APC2: variants seen among roughly 807,000 people sequenced by gnomAD.
APC2 encodes APC regulator of Wnt signaling pathway 2, also known as adenomatous polyposis coli protein 2.
In APC2, 41 loss-of-function variants were observed where a neutral mutation model predicts 72.5. That is an observed-to-expected ratio of 0.57 (90% CI 0.44 to 0.73). The LOEUF (loss-of-function observed/expected upper bound fraction) is 0.73. Ranked by LOEUF, APC2 falls within the 30% of genes least tolerant of loss-of-function variation. APC2 has a pLI of 0.00. For missense variants in APC2, 3,729 were observed against 3,403.4 expected (o/e 1.10, Z -2.38); for synonymous variants, 1,898 against 1,612.0 (o/e 1.18, Z -4.25).
intron 14 of APC2, 133 bp from the exon 15 acceptor site, chr19:1,465,022 C>G: frequency 2.2e-6 from 2 of 909,270 alleles, no homozygotes; most frequent in Non-Finnish European, 3.2e-6. Context: ...ATACTTATAC[C>G]AAAAATTAGT....
chr19:1,469,314 C>T lies in APC2; in HGVS notation c.6013C>T (p.Arg2005Trp). Residue 2005 changes from arginine to tryptophan, a missense_variant, in exon 15 of 15, where the codon CGG becomes TGG. Arg to Trp is a moderately radical substitution (Grantham distance 101). Transcript: ENST00000590469. ...LTFIKESPGL[R>W]RRRSELSSAE... ...CTTCATCAAGGAGTCGCCGGGCTTG[C>T]GGCGCCGCCGCTCCGAGCTGTCCTC... The T allele has an allele frequency of 7.1e-7, 1 of 1,412,668 alleles. No individual in the cohort carries two copies. The highest frequency in any genetic ancestry group is 1.3e-5 in the South Asian group (1 of 76,122). 87.5% of individuals were successfully genotyped at this position (1,412,668 alleles called of 1,614,324 possible).
Position 1,473,170 on chromosome 19 carries a change from A to T in APC2, c.*2957A>T, listed in dbSNP as rs1276092749. ...CCTGTCCTTCCCTAAATGTAAAGCC[A>T]TCTGTCCGGCGTAAGGACGACACCG... On this transcript the variant is annotated 3_prime_UTR_variant, in exon 15 of 15. Transcript: ENST00000590469. 1 of 152,304 alleles carries T rather than the reference A, an allele frequency of 6.6e-6. No homozygotes were observed. The highest frequency in any genetic ancestry group is 1.9e-4 in the East Asian group (1 of 5,202). 9.4% of individuals were successfully genotyped at this position (152,304 alleles called of 1,614,324 possible).
chr19:1,454,437 G>A (rs1224416524), intron 4 of APC2, among the ~76,000 whole-genome samples: 4 of 151,744 alleles, frequency 2.6e-5, no homozygotes, highest in Non-Finnish European at 5.9e-5. Flanking sequence ...GGAGTGCAGT[G>A]GTATGATCAT....
At chr19:1,455,122 G>A in intron 4 of APC2, 27 bp from the exon 5 acceptor site, 1 of 1,498,832 alleles carries the variant, frequency 6.7e-7, no homozygotes, top group Non-Finnish European at 9.0e-7. Context: ...CGCCCTCTGA[G>A]CCCGCCCCCG....
Position 1,467,141 on chromosome 19 carries a change from G to A in APC2, c.3840G>A (p.Ala1280=), listed in dbSNP as rs759351445. The A allele has an allele frequency of 6.3e-7, 1 of 1,576,324 alleles. No individual in the cohort carries two copies. The highest frequency in any genetic ancestry group is 1.1e-5 in the South Asian group (1 of 87,372). Residue 1280 remains alanine (A), a synonymous_variant, in exon 15 of 15, where the codon GCG becomes GCA. Transcript: ENST00000590469. ...ENFSCASSLS[A]LALHEHYVQQ... is the part of the protein sequence containing the mutation. ...TCTCGTGCGCCTCCAGCCTCAGCGC[G>A]CTGGCCTTGCACGAGCACTACGTGC... is the stretch of plus-strand genomic sequence containing the variant.
In APC2 at chr19:1,455,514, C is replaced by CG. The variant is rs771658842; in HGVS notation, c.639+18dup. ...CAGCGGGCACAGGTGCGGCGGTGGG[C>CG]GGGGTGGCGCGGCGGTAGGCGGGGC... On this transcript the variant is annotated intron_variant, in intron 6 of 14. Transcript: ENST00000590469. 5.7e-6 allele frequency: 9 copies of CG among 1,590,472 alleles called. No homozygotes were observed. Among genetic ancestry groups the CG allele is most frequent in the Admixed American group, 1.7e-5 (1 of 58,444 alleles).
In APC2 at chr19:1,465,296, C is replaced by G. The variant is rs532037814; in HGVS notation, c.1995C>G (p.Asp665Glu). 1.2e-6 allele frequency: 2 copies of G among 1,601,114 alleles called. No individual in the cohort carries two copies. Among genetic ancestry groups the G allele is most frequent in the South Asian group, 2.2e-5 (2 of 90,706 alleles). Residue 665 changes from aspartate (D) to glutamate (E), a missense_variant, in exon 15 of 15, where the codon GAC becomes GAG. Physicochemically the swap from Asp to Glu is conservative, Grantham distance 45. Transcript: ENST00000590469. ...CCCGTGACCAGGAGCTGCTGTGGGA[C>G]CTGGGCGCCGTGGGCATGCTGCGTA... is the stretch of plus-strand genomic sequence containing the variant. ...RSARDQELLW[D>E]LGAVGMLRNL...
Position 1,469,950 on chromosome 19 carries a change from G to T in APC2, c.6649G>T (p.Ala2217Ser), listed in dbSNP as rs778823095. The T allele has an allele frequency of 5.3e-6, 8 of 1,511,440 alleles. No homozygotes were observed. The East Asian group carries it at 2.0e-4, about 39-fold the overall frequency. 93.6% of individuals were successfully genotyped at this position (1,511,440 alleles called of 1,614,324 possible). Residue 2217 changes from alanine (A) to serine (S), a missense_variant, in exon 15 of 15, where the codon GCC (alanine) becomes TCC (serine). By Grantham distance (99) the Ala-to-Ser change is moderately conservative. Transcript: ENST00000590469. ...PSLETREPPG[A>S]PAGGQLSLLG... ...CCTGGAGACCAGGGAGCCCCCCGGG[G>T]CCCCCGCCGGCGGCCAGCTCTCCCT...
rs1354978463 is a variant in APC2 at position 1,469,318 on chromosome 19, G to A, written c.6017G>A (p.Arg2006His). Residue 2006 changes from arginine to histidine, a missense_variant, in exon 15 of 15, where the codon CGC becomes CAC. Arg to His is a conservative substitution (Grantham distance 29). Transcript: ENST00000590469. ...TFIKESPGLR[R>H]RRSELSSAES... is the part of the protein sequence containing the mutation. ...ATCAAGGAGTCGCCGGGCTTGCGGC[G>A]CCGCCGCTCCGAGCTGTCCTCGGCC... is the stretch of plus-strand genomic sequence containing the variant. 12 of 1,412,450 alleles carry A rather than the reference G, an allele frequency of 8.5e-6. No individual in the cohort carries two copies. The highest frequency in any genetic ancestry group is 1.0e-5 in the Non-Finnish European group (11 of 1,079,758). The allele number at this position is 1,412,450 out of a possible 1,614,324, so 87.5% of individuals were successfully genotyped here.
intron 14 of APC2, among the ~76,000 whole-genome samples, chr19:1,464,936 CTTTTT>C (rs78166202): frequency 2.1e-5 from 3 of 142,734 alleles, no homozygotes; most frequent in Non-Finnish European, 4.6e-5. Context: ...CCCGGCCTAC[CTTTTT>C]TTTTTTTTTA....
At position 1,462,108 on chromosome 19, in the gene APC2, C is replaced by A. The variant is rs139032121; in HGVS notation, c.1784C>A (p.Ala595Asp). Residue 595 changes from alanine (A) to aspartate (D), a missense_variant, in exon 14 of 15, where the codon GCC becomes GAC. Coordinates refer to ENST00000590469, the MANE Select transcript of APC2 (RefSeq NM_005883.3). Reference protein sequence around the residue: ...LTYKCQSNSLAIIESGGGILR... With the variant: ...LTYKCQSNSLDIIESGGGILR... ...TACAAGTGTCAGAGCAACTCGCTGG[C>A]CATCATCGAGAGCGGCGGCGGCATC... 6.2e-7 allele frequency: 1 copy of A among 1,612,876 alleles called. No homozygotes were observed. The highest frequency in any genetic ancestry group is 8.5e-7 in the Non-Finnish European group (1 of 1,180,008).
At position 1,466,001 on chromosome 19, in the gene APC2, C is replaced by A; in HGVS notation, c.2700C>A (p.Gly900=). ...QSCSPCRGPE[G]GRREAGSRAH... is the part of the protein sequence containing the mutation. ...GCTCGCCATGCCGCGGCCCGGAGGGCGGGCGGCGAGAGGCAGGAAGCCGGG... is the reference window on the plus strand; with the variant it reads ...GCTCGCCATGCCGCGGCCCGGAGGGAGGGCGGCGAGAGGCAGGAAGCCGGG... The change falls in exon 15 of 15, where the codon GGC becomes GGA. Residue 900 remains glycine (G), a synonymous_variant. Transcript: ENST00000590469. 1 of 1,503,968 alleles carries A rather than the reference C, an allele frequency of 6.6e-7. No individual in the cohort carries two copies. The allele number at this position is 1,503,968 out of a possible 1,614,324, so 93.2% of individuals were successfully genotyped here. A position where few individuals can be genotyped will look rare whatever the true frequency, so the allele number is the denominator to read the frequency against.
rs1436776262 is a variant in APC2 at position 1,466,242 on chromosome 19, C to G, written c.2941C>G (p.Arg981Gly). The G allele has an allele frequency of 1.3e-6, 2 of 1,535,702 alleles. No homozygotes were observed. The highest frequency in any genetic ancestry group is 1.7e-6 in the Non-Finnish European group (2 of 1,147,906). Residue 981 changes from arginine (R) to glycine (G), a missense_variant, in exon 15 of 15, where the codon CGC (arginine) becomes GGC (glycine). Transcript: ENST00000590469. The stretch of plus-strand genomic sequence containing the variant: ...CGGCTGCCAGGCCGAGCCCCCGGCC[C>G]GCGAGGCCACCTCCGCCGACGCCCG... ...LPGCQAEPPAREATSADARVR... is the reference protein window; with the variant it reads ...LPGCQAEPPAGEATSADARVR...
chr19:1,453,507 GA>G lies in APC2; in HGVS notation c.310del (p.Thr104ProfsTer20). On this transcript the variant is annotated frameshift_variant, in exon 4 of 15. Transcript: ENST00000590469. LOFTEE classifies it high-confidence loss of function. ...CCCTGGGCCCGGAGCCTGCCGCCCG[GA>G]CCCCCGAGGGCAGCCCAGTACACGG... ...PTLGPEPAAR[T>X]PEGSPVHGSG... 1 of 1,607,972 alleles carries G rather than the reference GA, an allele frequency of 6.2e-7. No homozygotes were observed. The highest frequency in any genetic ancestry group is 8.5e-7 in the Non-Finnish European group (1 of 1,176,584).
rs370872289 is a variant in APC2, at chr19:1,452,865, C to A, written c.-18-119C>A. 1 of 1,257,584 alleles carries A rather than the reference C, an allele frequency of 8.0e-7. No homozygotes were observed. Among genetic ancestry groups the A allele is most frequent in the Non-Finnish European group, 1.1e-6 (1 of 927,366 alleles). The allele number at this position is 1,257,584 out of a possible 1,614,324, so 77.9% of individuals were successfully genotyped here. A position where few individuals can be genotyped will look rare whatever the true frequency, so the allele number is the denominator to read the frequency against. ...CACACCAGTGACTCCTGCCTGAGACCCCCCCCAACCCAGGATCAGGCAGGA... is the reference window on the plus strand; with the variant it reads ...CACACCAGTGACTCCTGCCTGAGACACCCCCCAACCCAGGATCAGGCAGGA... On this transcript the variant is annotated intron_variant, in intron 1 of 14. Transcript: ENST00000590469. This position sits in a 1 kb window ranked among gnomAD's most constrained non-coding sequence, Gnocchi z 5.1.
rs1482309407 is a variant in APC2 at position 1,466,829 on chromosome 19, C to T, written c.3528C>T (p.Ile1176=). The T allele has an allele frequency of 1.9e-6, 3 of 1,555,964 alleles. No homozygotes were observed. The highest frequency in any genetic ancestry group is 2.4e-5 in the East Asian group (1 of 41,648). The change falls in exon 15 of 15, where the codon ATC becomes ATT. Residue 1176 remains isoleucine, a synonymous_variant. Coordinates refer to ENST00000590469, the MANE Select transcript of APC2 (RefSeq NM_005883.3). The part of the protein sequence containing the change: ...SSLGSFESPS[I]ASSIPSEPCS... ...TGGGCAGCTTCGAGAGCCCGTCCAT[C>T]GCCAGCTCCATCCCCAGTGAACCTT...
Position 1,469,773 on chromosome 19 carries a change from C to T in APC2, c.6472C>T (p.Leu2158=). 6.6e-7 allele frequency: 1 copy of T among 1,516,078 alleles called. No homozygotes were observed. The highest frequency in any genetic ancestry group is 8.8e-7 in the Non-Finnish European group (1 of 1,139,682). 93.9% of individuals were successfully genotyped at this position (1,516,078 alleles called of 1,614,324 possible). The change falls in exon 15 of 15, where the codon CTG becomes TTG. Residue 2158 remains leucine (L), a synonymous_variant. Transcript: ENST00000590469. Reference sequence around the variant, plus strand: ...CCGAGATGAGGACGTGCCCCACATCCTGCGCAGCACGCTTCCCGCCACGGC... The same window carrying T: ...CCGAGATGAGGACGTGCCCCACATCTTGCGCAGCACGCTTCCCGCCACGGC... ...RIRDEDVPHI[L]RSTLPATALP...
chr19:1,467,762 C>G lies in APC2; in HGVS notation c.4461C>G (p.Thr1487=). The G allele has an allele frequency of 2.8e-6, 4 of 1,432,016 alleles. No homozygotes were observed. The highest frequency in any genetic ancestry group is 2.7e-6 in the Non-Finnish European group (3 of 1,098,942). The allele number at this position is 1,432,016 out of a possible 1,614,324, so 88.7% of individuals were successfully genotyped here. The part of the protein sequence containing the change: ...ADKDGSKPGR[T]RGDGALQSLC... ...AGGACGGCTCAAAGCCCGGCCGGACCCGCGGGGACGGGGCGCTCCAGTCGC... is the reference window on the plus strand; with the variant it reads ...AGGACGGCTCAAAGCCCGGCCGGACGCGCGGGGACGGGGCGCTCCAGTCGC... The change falls in exon 15 of 15, where the codon ACC becomes ACG. Residue 1487 remains threonine, a synonymous_variant. Coordinates refer to ENST00000590469, the MANE Select transcript of APC2 (RefSeq NM_005883.3).
intron 14 of APC2, among the ~76,000 whole-genome samples, chr19:1,462,831 C>T (rs1224442414): frequency 6.8e-6 from 1 of 147,160 alleles, no homozygotes; most frequent in Non-Finnish European, 1.5e-5. Context: ...ATTAGCTGGG[C>T]ATGGTGGTGG....
Sources: allele counts gnomAD v4.1 joint callset (sites outside exome capture counted in the v4.1 genomes callset), GRCh38; gene constraint gnomAD v4.1.1; non-coding constraint Gnocchi (gnomAD v3.1); transcripts MANE v1.5; gene names NCBI Gene and HGNC (gene_info 2026-07-23, HGNC 2026-07-21).